MACROD2: variants seen among roughly 807,000 people sequenced by gnomAD.
The protein encoded by MACROD2 is mono-ADP ribosylhydrolase 2.
Under a neutral mutation model 70.4 loss-of-function variants are expected in MACROD2, and 36 were observed. The ratio of observed to expected loss-of-function variants is 0.51; its 90% CI spans 0.39 to 0.68. The LOEUF is 0.68. Ranked by LOEUF, MACROD2 falls within the 30% of genes least tolerant of loss-of-function variation. MACROD2 has a pLI of 0.00. For missense variants in MACROD2, 496 were observed against 538.4 expected (o/e 0.92, Z 0.78); for synonymous variants, 172 against 178.8 (o/e 0.96, Z 0.30).
chr20:16,015,624 T>C (rs536659117), intron 15 of MACROD2, among the ~76,000 whole-genome samples: 1 of 152,338 alleles, frequency 6.6e-6, no homozygotes, highest in East Asian at 1.9e-4. Context: ...ATCCTTACAA[T>C]GAGTCTTTCT....
intron 5 of MACROD2, among the ~76,000 whole-genome samples, chr20:15,087,597 A>C (rs1406200198): frequency 6.6e-6 from 1 of 152,064 alleles, no homozygotes; most frequent in Non-Finnish European, 1.5e-5. Context: ...TAAATATTTA[A>C]ATGTAAAACA....
At chr20:14,738,676 T>C (rs1001050442) in intron 5 of MACROD2, among the ~76,000 whole-genome samples, 2 of 151,914 alleles carry the variant, frequency 1.3e-5, no homozygotes, top group African/African-American at 4.8e-5. Context: ...AAATTATATA[T>C]TTATGTATAT....
chr20:14,051,639 A>T (rs1350681900), intron 2 of MACROD2, among the ~76,000 whole-genome samples: 3 of 152,332 alleles, frequency 2.0e-5, no homozygotes, highest in African/African-American at 7.2e-5. Flanking sequence ...TCAACCCATC[A>T]TCTTTTTTGG....
intron 5 of MACROD2, among the ~76,000 whole-genome samples, chr20:14,751,526 G>A (rs1336795877): frequency 6.6e-6 from 1 of 152,104 alleles, no homozygotes; most frequent in Non-Finnish European, 1.5e-5. Context: ...TCCAGATGAT[G>A]TTGCATAATC....
intron 5 of MACROD2, among the ~76,000 whole-genome samples, chr20:14,720,297 A>G (rs2071449223): frequency 6.6e-6 from 1 of 152,136 alleles, no homozygotes; most frequent in African/African-American, 2.4e-5. Flanking sequence ...CTAAACAAGT[A>G]CTTTTTGTTA....
intron 5 of MACROD2, among the ~76,000 whole-genome samples, chr20:15,159,090 A>G (rs1352027257): frequency 3.9e-5 from 6 of 152,176 alleles, no homozygotes; most frequent in Non-Finnish European, 7.3e-5. Context: ...ATTGAATGCA[A>G]TATTCAAACT....
chr20:15,456,016 A>T (rs2046720109), intron 7 of MACROD2, among the ~76,000 whole-genome samples: 1 of 152,168 alleles, frequency 6.6e-6, no homozygotes, highest in Non-Finnish European at 1.5e-5. Flanking sequence ...TTCTTGCAGC[A>T]GGATGTCTCC....
chr20:15,088,400 TATATATATATA>T (rs1568567266), intron 5 of MACROD2, among the ~76,000 whole-genome samples: 278 of 7,396 alleles, frequency 0.038, 2 homozygotes, highest in African/African-American at 0.061. Context: ...CTATATTTTA[TATATATATATA>T]TATATATATA....
chr20:14,653,788 G>A (rs1279391689), intron 4 of MACROD2, among the ~76,000 whole-genome samples: 2 of 152,114 alleles, frequency 1.3e-5, no homozygotes, highest in South Asian at 2.1e-4. Context: ...AGCATGGTTG[G>A]CTCATTCCAA....
intron 5 of MACROD2, among the ~76,000 whole-genome samples, chr20:15,215,899 TATA>T (rs984150822): frequency 6.6e-6 from 1 of 152,108 alleles, no homozygotes; most frequent in African/African-American, 2.4e-5. Flanking sequence ...GGAAATACTC[TATA>T]ATGTACAGCA....
At chr20:14,139,873 G>T (rs761923273) in intron 3 of MACROD2, among the ~76,000 whole-genome samples, 1 of 152,144 alleles carries the variant, frequency 6.6e-6, no homozygotes, top group Non-Finnish European at 1.5e-5. Context: ...CATGTGAAGG[G>T]TCGCAGTCAA....
intron 5 of MACROD2, among the ~76,000 whole-genome samples, chr20:15,033,039 AAGT>A (rs1268063677): frequency 2.0e-5 from 3 of 152,172 alleles, no homozygotes; most frequent in African/African-American, 7.2e-5. Context: ...TAGAGACAAA[AAGT>A]AGATTACGGG....
chr20:14,834,254 G>T (rs777717185), intron 5 of MACROD2, among the ~76,000 whole-genome samples: 25 of 145,362 alleles, frequency 1.7e-4, no homozygotes, highest in African/African-American at 4.5e-4. Flanking sequence ...CGCTAGTATG[G>T]TTTTTTTTTT....
At chr20:15,967,471 TA>T in intron 12 of MACROD2, 81 bp from the exon 13 acceptor site, 1 of 1,112,634 alleles carries the variant, frequency 9.0e-7, no homozygotes, top group Non-Finnish European at 1.3e-6. Flanking sequence ...TCCTCAAACA[TA>T]AATCTATCAT....
chr20:15,137,728 T>C (rs918036711), intron 5 of MACROD2, among the ~76,000 whole-genome samples: 3 of 151,590 alleles, frequency 2.0e-5, no homozygotes, highest in African/African-American at 7.3e-5. Context: ...AAAAAAATAA[T>C]AATCTTAAAG....
chr20:14,043,817 A>T (rs1336226571), intron 2 of MACROD2, among the ~76,000 whole-genome samples: 1 of 152,076 alleles, frequency 6.6e-6, no homozygotes, highest in Non-Finnish European at 1.5e-5. Context: ...GGGAAAGAGA[A>T]GGTCAGAGAC....
At chr20:14,808,457 C>T (rs553186781) in intron 5 of MACROD2, among the ~76,000 whole-genome samples, 1 of 152,012 alleles carries the variant, frequency 6.6e-6, no homozygotes, top group South Asian at 2.1e-4. Context: ...AAAGGAAAAA[C>T]CAGTACCAGC....
chr20:15,440,616 G>A (rs1417248741), intron 7 of MACROD2, among the ~76,000 whole-genome samples: 1 of 152,128 alleles, frequency 6.6e-6, no homozygotes, highest in Admixed American at 6.5e-5. Context: ...ATTCTCCAAC[G>A]GCAATGCCAA....
intron 5 of MACROD2, among the ~76,000 whole-genome samples, chr20:14,938,607 C>T (rs113271802): frequency 0.22 from 33,856 of 151,820 alleles, 4,059 homozygotes; most frequent in Non-Finnish European, 0.28. Flanking sequence ...ATGGTAAAAC[C>T]TCAGCTCTAC....
Sources: gnomAD v4.1 joint callset for allele counts (sites outside exome capture counted in the v4.1 genomes callset) on GRCh38, gnomAD v4.1.1 for gene constraint, MANE v1.5 for transcripts, NCBI Gene and HGNC (gene_info 2026-07-23, HGNC 2026-07-21) for gene names.